TGM7: variants seen among roughly 807,000 people sequenced by gnomAD.
TGM7 encodes the protein transglutaminase 7, also known as protein-glutamine gamma-glutamyltransferase Z.
In TGM7, 74 loss-of-function variants were observed where a neutral mutation model predicts 79.5. That is an observed-to-expected ratio of 0.93 (90% confidence interval 0.77 to 1.13). The LOEUF (loss-of-function observed/expected upper bound fraction) is 1.13. TGM7 is among the 50% of genes most tolerant of loss of function. TGM7 has a pLI of 0.00. For missense variants in TGM7, 912 were observed against 905.9 expected (o/e 1.01, Z -0.09); for synonymous variants, 354 against 362.5 (o/e 0.98, Z 0.27).
In TGM7 at chr15:43,292,874, A is replaced by T. The variant is rs201174110; in HGVS notation, c.274T>A (p.Ser92Thr). Residue 92 changes from serine (S) to threonine (T), a missense_variant, in exon 3 of 13, where the codon TCT becomes ACT. Physicochemically the swap from Ser to Thr is moderately conservative, Grantham distance 58 (BLOSUM62 1). Coordinates refer to ENST00000452443, the MANE Select transcript of TGM7 (RefSeq NM_052955.3). Reference sequence around the variant, plus strand: ...GAGTTGGAGTCAATGGTGAAATCAGAAGCGCTCCAGACATTCCCGGGCTGG... The same window carrying T: ...GAGTTGGAGTCAATGGTGAAATCAGTAGCGCTCCAGACATTCCCGGGCTGG... ...RVQPGNVWSA[S>T]DFTIDSNSLQ... 7 of 1,614,052 alleles carry T rather than the reference A, an allele frequency of 4.3e-6. No homozygotes were observed. In the East Asian group the frequency reaches 1.6e-4, roughly 36 times the overall value.
At chr15:43,297,221 C>T (rs2043000490) in intron 1 of TGM7, among the ~76,000 whole-genome samples, 1 of 152,030 alleles carries the variant, frequency 6.6e-6, no homozygotes, top group Non-Finnish European at 1.5e-5. Flanking sequence ...TTTGGGAGGC[C>T]GAGGCGGGTG....
At chr15:43,293,152 A>G (rs1342821979) in intron 2 of TGM7, among the ~76,000 whole-genome samples, 198 bp from the exon 3 acceptor site, 5 of 152,240 alleles carry the variant, frequency 3.3e-5, no homozygotes, top group Non-Finnish European at 5.9e-5. Context: ...GGATCATAAT[A>G]GTACCACCTG....
At chr15:43,277,145 A>G in intron 11 of TGM7, 150 bp from the exon 12 acceptor site, 1 of 964,958 alleles carries the variant, frequency 1.0e-6, no homozygotes, top group Non-Finnish European at 1.5e-6. Flanking sequence ...ATGTGAGCTG[A>G]GAGTACTTGA....
chr15:43,278,975 A>G, intron 11 of TGM7, 142 bp downstream of exon 11: 1 of 831,084 alleles, frequency 1.2e-6, no homozygotes, highest in Non-Finnish European at 1.8e-6. Context: ...ACGCTGGTAC[A>G]GAGCACTAGA....
At chr15:43,292,185 C>G in intron 3 of TGM7, 88 bp from the exon 4 acceptor site, 1 of 904,700 alleles carries the variant, frequency 1.1e-6, no homozygotes, top group East Asian at 2.5e-5. Flanking sequence ...CAACGTGTTT[C>G]TGGAAAACAG....
In TGM7 at chr15:43,279,789, T is replaced by C; in HGVS notation, c.1514A>G (p.Asp505Gly). Residue 505 changes from aspartate to glycine, a missense_variant, in exon 10 of 13, where the codon GAC becomes GGC. Transcript: ENST00000452443. The part of the protein sequence containing the change: ...HLARIPEWGQ[D>G]LQLLLRIQRV... ...CTGGATACGCAGCAGCAGCTGCAGG[T>C]CCTGGCCCCACTCGGGTATCCTGGC... The C allele has an allele frequency of 6.2e-7, 1 of 1,614,060 alleles. No homozygotes were observed. Among genetic ancestry groups the C allele is most frequent in the East Asian group, 2.2e-5 (1 of 44,884 alleles).
Position 43,291,984 on chromosome 15 carries a change from C to T in TGM7, c.553G>A (p.Gly185Arg), listed in dbSNP as rs185269396. 9.3e-5 allele frequency: 150 copies of T among 1,613,348 alleles called. No homozygotes were observed. In the Admixed American group the frequency reaches 1.4e-3, roughly 15 times the overall value. The change falls in exon 4 of 13, where the codon GGG (glycine) becomes AGG (arginine). Residue 185 changes from glycine to arginine, a missense_variant. Transcript: ENST00000452443. ...ACATTGGGTAATAGTGTTACCTGCC[C>T]GTAGTTCCAGGGCCAGGAGGTGATG... Reference protein sequence around the residue: ...RFITSWPWNYGQFEEDIIDIC... With the variant: ...RFITSWPWNYRQFEEDIIDIC...
intron 1 of TGM7, among the ~76,000 whole-genome samples, chr15:43,301,226 G>C (rs879848165): frequency 2.0e-5 from 3 of 151,800 alleles, no homozygotes; most frequent in Non-Finnish European, 4.4e-5. Flanking sequence ...CAAGCGACCC[G>C]CTTGCCTTGG....
At chr15:43,292,609 A>G (rs958295112) in intron 3 of TGM7, 100 bp downstream of exon 3, 2 of 1,421,064 alleles carry the variant, frequency 1.4e-6, no homozygotes, top group African/African-American at 1.4e-5. Context: ...ACTACATTGC[A>G]TAGCTATGTG....
chr15:43,282,616 A>C lies in TGM7; in HGVS notation c.1009T>G (p.Phe337Val). 1.3e-6 allele frequency: 2 copies of C among 1,592,178 alleles called. No homozygotes were observed. The highest frequency in any genetic ancestry group is 8.6e-7 in the Non-Finnish European group (1 of 1,168,300). ...ATCCAGCACTCATTCCAGACGTGGA[A>C]GTTCCTGCAGGAGGGAGTAAGGAGA... ...STQKRDKIWN[F>V]HVWNECWMIR... is the part of the protein sequence containing the mutation. The change falls in exon 8 of 13, where the codon TTC becomes GTC. Residue 337 changes from phenylalanine (F) to valine (V), a missense_variant. Physicochemically the swap from Phe to Val is conservative, Grantham distance 50. Coordinates refer to ENST00000452443, the MANE Select transcript of TGM7 (RefSeq NM_052955.3).
rs550814720 is a variant in TGM7, at chr15:43,287,582, G to C, written c.646C>G (p.Arg216Gly). ...LKNPAKDCSQRNDVVYVCRVV... is the reference protein window; with the variant it reads ...LKNPAKDCSQGNDVVYVCRVV... ...CTGCACACATACACCACGTCGTTCC[G>C]CTGGGAACAGTCTTTGGCCGGGTTC... is the stretch of plus-strand genomic sequence containing the variant. Residue 216 changes from arginine (R) to glycine (G), a missense_variant, in exon 5 of 13, where the codon CGG becomes GGG. Arg to Gly is a moderately radical substitution (Grantham distance 125). Transcript: ENST00000452443. 1.9e-5 allele frequency: 30 copies of C among 1,614,024 alleles called. No individual in the cohort carries two copies. Among genetic ancestry groups the C allele is most frequent in the East Asian group, 1.1e-4 (5 of 44,896 alleles).
At chr15:43,298,120 G>C (rs1395329772) in intron 1 of TGM7, among the ~76,000 whole-genome samples, 1 of 152,244 alleles carries the variant, frequency 6.6e-6, no homozygotes, top group African/African-American at 2.4e-5. Flanking sequence ...ACAGGAAGGT[G>C]CTGGGTGGAG....
chr15:43,301,643 A>AG (rs397827829), intron 1 of TGM7, among the ~76,000 whole-genome samples: 1 of 150,350 alleles, frequency 6.7e-6, no homozygotes, highest in Non-Finnish European at 1.5e-5. Context: ...AAAAAAAAAA[A>AG]GAAAAAGAAA....
intron 7 of TGM7, among the ~76,000 whole-genome samples, chr15:43,283,346 G>A (rs529528753): frequency 1.4e-4 from 22 of 152,300 alleles, no homozygotes; most frequent in Non-Finnish European, 2.9e-4. Context: ...CATGTGGTAC[G>A]CGATGCCGTC....
intron 1 of TGM7, among the ~76,000 whole-genome samples, chr15:43,301,927 A>C (rs1320576786): frequency 6.6e-6 from 1 of 152,060 alleles, no homozygotes; most frequent in Non-Finnish European, 1.5e-5. Flanking sequence ...CCTCCCAAGC[A>C]CCCAAGGACA....
chr15:43,279,187 A>G lies in TGM7; in HGVS notation c.1769T>C (p.Val590Ala), dbSNP rs750657883. 11 of 1,613,848 alleles carry G rather than the reference A, an allele frequency of 6.8e-6. No individual in the cohort carries two copies. The highest frequency in any genetic ancestry group is 6.7e-5 in the African/African-American group (5 of 74,860). The change falls in exon 11 of 13, where the codon GTT (valine) becomes GCT (alanine). Residue 590 changes from valine to alanine, a missense_variant. By Grantham distance (64) the Val-to-Ala change is moderately conservative. Coordinates refer to ENST00000452443, the MANE Select transcript of TGM7 (RefSeq NM_052955.3). ...CAGCATGGACCTCCCTGTCTCTTCAACCTCCGCGATGCCAGACACGCGGAT... is the reference window on the plus strand; with the variant it reads ...CAGCATGGACCTCCCTGTCTCTTCAGCCTCCGCGATGCCAGACACGCGGAT... ...KLIRVSGIAE[V>A]EETGRSMLVL...
Position 43,276,672 on chromosome 15 carries a change from G to A in TGM7, c.1974-58C>T, listed in dbSNP as rs530181398. The A allele has an allele frequency of 1.3e-5, 21 of 1,575,766 alleles. No individual in the cohort carries two copies. The South Asian group carries it at 2.4e-4, about 18-fold the overall frequency. On this transcript the variant is annotated intron_variant, in intron 12 of 12. Coordinates refer to ENST00000452443, the MANE Select transcript of TGM7 (RefSeq NM_052955.3). ...AGGACTTCCTGCTGGCGGCAGGGGTGATCTGGTTCCCCTCTGGGTGGGTAA... is the reference window on the plus strand; with the variant it reads ...AGGACTTCCTGCTGGCGGCAGGGGTAATCTGGTTCCCCTCTGGGTGGGTAA...
chr15:43,280,924 C>T (rs1319156835), intron 9 of TGM7, among the ~76,000 whole-genome samples: 1 of 152,190 alleles, frequency 6.6e-6, no homozygotes, highest in Non-Finnish European at 1.5e-5. Flanking sequence ...GTCTACCGCC[C>T]TTCATATTTA....
At chr15:43,280,499 C>T (rs57282004) in intron 9 of TGM7, among the ~76,000 whole-genome samples, 3,319 of 152,008 alleles carry the variant, frequency 0.022, 136 homozygotes, top group African/African-American at 0.077. Flanking sequence ...GATGGGTGCC[C>T]GTAATCCCAG....
Sources: gnomAD v4.1 joint callset for allele counts (sites outside exome capture counted in the v4.1 genomes callset) on GRCh38, gnomAD v4.1.1 for gene constraint, MANE v1.5 for transcripts, NCBI Gene and HGNC (gene_info 2026-07-23, HGNC 2026-07-21) for gene names.